MRPS15: variants seen among roughly 807,000 people sequenced by gnomAD.
The protein encoded by MRPS15 is small ribosomal subunit protein uS15m.
Under a neutral mutation model 30.7 loss-of-function variants are expected in MRPS15, and 25 were observed. The observed-to-expected ratio is 0.81, with a 90% CI of 0.59 to 1.14. The LOEUF (loss-of-function observed/expected upper bound fraction) is 1.14, where lower values mean the gene tolerates loss of function less well. Ranked by LOEUF, MRPS15 falls within the 50% of genes most tolerant of loss-of-function variation. The probability of loss-of-function intolerance (pLI) is 0.00; values close to 1 mark genes in which losing one functional copy is unlikely to be tolerated. For synonymous variants in MRPS15, 124 were observed against 120.1 expected (o/e 1.03, Z -0.21); for missense variants, 313 against 321.7 (o/e 0.97, Z 0.21).
rs1425434025 is a variant in MRPS15 at position 36,459,702 on chromosome 1, AG to A, written c.385+989del. 8.5e-5 allele frequency: 13 copies of A among 152,716 alleles called. 1 individual carries two copies. The highest frequency in any genetic ancestry group is 2.9e-4 in the African/African-American group (12 of 41,566). The allele number at this position is 152,716 out of a possible 1,614,324, so 9.5% of individuals were successfully genotyped here. ...CTCACCAGACTTTAATCCCTGGCAG[AG>A]GGAGAAGAAAAGAATGAAGGGAGAA... is the stretch of plus-strand genomic sequence containing the variant. On this transcript the variant is annotated intron_variant, in intron 5 of 7. Transcript: ENST00000373116.
chr1:36,460,930 A>G (rs1327645954), intron 4 of MRPS15, among the ~76,000 whole-genome samples, 154 bp from the exon 5 acceptor site: 1 of 152,224 alleles, frequency 6.6e-6, no homozygotes, highest in African/African-American at 2.4e-5. Flanking sequence ...TTGACCAACC[A>G]CATGGCTATC....
chr1:36,459,667 C>T (rs1416190022), intron 5 of MRPS15: 2 of 152,128 alleles, frequency 1.3e-5, no homozygotes, highest in Non-Finnish European at 2.9e-5. Context: ...GTTTTAGTAT[C>T]CAAGATGAAC....
At position 36,458,034 on chromosome 1, in the gene MRPS15, C is replaced by T; in HGVS notation, c.386-53G>A. On this transcript the variant is annotated intron_variant, in intron 5 of 7. Transcript: ENST00000373116. The surrounding 1 kb of genome is among the most constrained non-coding windows in gnomAD (Gnocchi z 4.5). ...AGTTGGGCACAGAGGAAGGAAGGGC[C>T]CAGGCCTGGTTTACGTTTTAAGAAC... 1 of 1,522,424 alleles carries T rather than the reference C, an allele frequency of 6.6e-7. No homozygotes were observed. Among genetic ancestry groups the T allele is most frequent in the Admixed American group, 1.7e-5 (1 of 59,878 alleles). 94.3% of individuals were successfully genotyped at this position (1,522,424 alleles called of 1,614,324 possible). A position where few individuals can be genotyped will look rare whatever the true frequency, so the allele number is the denominator to read the frequency against.
At position 36,464,256 on chromosome 1, in the gene MRPS15, C is replaced by T. The variant is rs1258908659; in HGVS notation, c.20G>A (p.Arg7Lys). The change falls in exon 1 of 8, where the codon AGG (arginine) becomes AAG (lysine). Residue 7 changes from arginine (R) to lysine (K), a missense_variant. Transcript: ENST00000373116. ...CCGGGTCCGAATCAAACTCAGCGTC[C>T]TCCACGCGACCCTCAGCATGGTGAC... MLRVAW[R>K]TLSLIRTRAV... The T allele has an allele frequency of 1.9e-6, 3 of 1,613,786 alleles. No individual in the cohort carries two copies. Among genetic ancestry groups the T allele is most frequent in the South Asian group, 1.1e-5 (1 of 91,044 alleles).
chr1:36,460,868 G>C, intron 4 of MRPS15, 92 bp from the exon 5 acceptor site: 1 of 1,031,804 alleles, frequency 9.7e-7, no homozygotes. Flanking sequence ...TACAGTTATA[G>C]CAACTAGGGC....
intron 1 of MRPS15, 42 bp from the exon 2 acceptor site, chr1:36,463,892 G>T: frequency 6.3e-7 from 1 of 1,594,252 alleles, no homozygotes; most frequent in Non-Finnish European, 8.6e-7. Flanking sequence ...TCCTTAAATA[G>T]CCCACCCCTC....
At chr1:36,462,908 G>C (rs1650125629) in intron 2 of MRPS15, among the ~76,000 whole-genome samples, 1 of 152,170 alleles carries the variant, frequency 6.6e-6, no homozygotes, top group African/African-American at 2.4e-5. Flanking sequence ...CTGGCCTCAA[G>C]TGATCCTCCA....
intron 6 of MRPS15, among the ~76,000 whole-genome samples, 167 bp downstream of exon 6, chr1:36,457,756 C>G (rs1420023858): frequency 6.6e-6 from 1 of 152,200 alleles, no homozygotes; most frequent in Non-Finnish European, 1.5e-5. Context: ...TTCTTAACCC[C>G]TGGTGACACT....
intron 3 of MRPS15, 88 bp from the exon 4 acceptor site, chr1:36,461,400 T>A (rs896708309): frequency 1.5e-4 from 190 of 1,284,420 alleles, no homozygotes; most frequent in Admixed American, 5.6e-5. Flanking sequence ...AAAGCAAAGA[T>A]GATTGAAAAA....
chr1:36,462,279 A>G, intron 2 of MRPS15, 116 bp from the exon 3 acceptor site: 1 of 702,660 alleles, frequency 1.4e-6, no homozygotes, highest in South Asian at 1.8e-5. Context: ...CAGGGTCTCA[A>G]GCAAAGCACT....
In MRPS15 at chr1:36,455,776, A is replaced by G; in HGVS notation, c.*12T>C. 1 of 1,612,596 alleles carries G rather than the reference A, an allele frequency of 6.2e-7. No homozygotes were observed. The highest frequency in any genetic ancestry group is 8.5e-7 in the Non-Finnish European group (1 of 1,179,656). On this transcript the variant is annotated 3_prime_UTR_variant, in exon 8 of 8. Coordinates refer to ENST00000373116, the MANE Select transcript of MRPS15 (RefSeq NM_031280.4). Reference sequence around the variant, plus strand: ...TCATTCTTCAAGACAGAAAGAAATGATTGAACAGAATTTATTGGCTGTCTT... The same window carrying G: ...TCATTCTTCAAGACAGAAAGAAATGGTTGAACAGAATTTATTGGCTGTCTT...
At chr1:36,457,811 A>C (rs1470309874) in intron 6 of MRPS15, 112 bp downstream of exon 6, 9 of 995,526 alleles carry the variant, frequency 9.0e-6, no homozygotes, top group Non-Finnish European at 1.4e-5. Flanking sequence ...GGCAGGAGGG[A>C]AGCATTTTCA....
intron 2 of MRPS15, among the ~76,000 whole-genome samples, chr1:36,463,403 C>T (rs1650136388): frequency 6.6e-6 from 1 of 152,244 alleles, no homozygotes; most frequent in Non-Finnish European, 1.5e-5. Context: ...AAATAAGAAT[C>T]AGAGAGAGGA....
rs199850431 is a variant in MRPS15, at chr1:36,464,153, C to T, written c.123G>A (p.Gln41=). 3 of 1,613,608 alleles carry T rather than the reference C, an allele frequency of 1.9e-6. No homozygotes were observed. The highest frequency in any genetic ancestry group is 2.5e-6 in the Non-Finnish European group (3 of 1,179,842). The change falls in exon 1 of 8, where the codon CAG becomes CAA. Residue 41 remains glutamine, a synonymous_variant. Transcript: ENST00000373116. ...CATTTCTCAGCTCCTCACTTCGAGGCTGCAGGCCCCACTGGTTGAAAGGAA... is the reference window on the plus strand; with the variant it reads ...CATTTCTCAGCTCCTCACTTCGAGGTTGCAGGCCCCACTGGTTGAAAGGAA... ...AKFPFNQWGL[Q]PRSLLLQAAR... is the part of the protein sequence containing the mutation.
rs967628659 is a variant in MRPS15, at chr1:36,461,014, G to T, written c.301-238C>A. Among the ~76,000 whole-genome samples the T allele has an allele frequency of 4.6e-5, 7 of 152,204 alleles. No homozygotes were observed. In the East Asian group the frequency reaches 1.2e-3, roughly 25 times the overall value. ...TGTTGCATGAATGTCCCCAAAGCTT[G>T]CTCATTCATTTATGCTCATTCATTC... On this transcript the variant is annotated intron_variant, in intron 4 of 7. Transcript: ENST00000373116.
chr1:36,463,903 A>T, intron 1 of MRPS15, 53 bp from the exon 2 acceptor site: 6 of 1,577,624 alleles, frequency 3.8e-6, no homozygotes, highest in Non-Finnish European at 5.2e-6. Context: ...CCCACCCCTC[A>T]GTTCCTTTCT....
intron 2 of MRPS15, among the ~76,000 whole-genome samples, chr1:36,462,749 G>A (rs78766420): frequency 0.061 from 9,292 of 152,250 alleles, 509 homozygotes; most frequent in East Asian, 0.17. Flanking sequence ...ACATTAATGG[G>A]CCTCTTCTGT....
Position 36,464,339 on chromosome 1 carries a change from G to T in MRPS15, c.-64C>A. The T allele has an allele frequency of 6.4e-7, 1 of 1,563,512 alleles. No individual in the cohort carries two copies. The highest frequency in any genetic ancestry group is 1.4e-5 in the African/African-American group (1 of 72,884). On this transcript the variant is annotated 5_prime_UTR_variant, in exon 1 of 8. Coordinates refer to ENST00000373116, the MANE Select transcript of MRPS15 (RefSeq NM_031280.4). ...CCGTTCGCTTTGCGGCACGGACCGG[G>T]TTACATGGGCGCCGCCATGCTGGCC...
Position 36,464,176 on chromosome 1 carries a change from G to A in MRPS15, c.100C>T (p.Pro34Ser). ...GGCTGCAGGCCCCACTGGTTGAAAG[G>A]AAACTTGGCGCTCCCACCGCCCGGC... The part of the protein sequence containing the change: ...GLPGGGSAKF[P>S]FNQWGLQPRS... Residue 34 changes from proline to serine, a missense_variant, in exon 1 of 8, where the codon CCT becomes TCT. Transcript: ENST00000373116. 1 of 1,613,800 alleles carries A rather than the reference G, an allele frequency of 6.2e-7. No homozygotes were observed. The highest frequency in any genetic ancestry group is 1.1e-5 in the South Asian group (1 of 91,064).
Sources: allele counts gnomAD v4.1 joint callset (sites outside exome capture counted in the v4.1 genomes callset), GRCh38; gene constraint gnomAD v4.1.1; non-coding constraint Gnocchi (gnomAD v3.1); transcripts MANE v1.5; gene names NCBI Gene and HGNC (gene_info 2026-07-23, HGNC 2026-07-21).